Variants in NPAS3 observed in about 807,000 individuals in gnomAD.
NPAS3 encodes neuronal PAS domain-containing protein 3.
Under a neutral mutation model 73.1 loss-of-function variants are expected in NPAS3, and 14 were observed. The ratio of observed to expected loss-of-function variants is 0.19; its 90% confidence interval spans 0.13 to 0.30. NPAS3 has a LOEUF of 0.30. Among genes scored for constraint, NPAS3 ranks in the 10% least tolerant of loss-of-function variants. The pLI, the probability that NPAS3 is intolerant of heterozygous loss-of-function variation, is 1.00. For missense variants in NPAS3, 1,096 were observed against 1,250.0 expected (o/e 0.88, Z 1.86); for synonymous variants, 620 against 541.5 (o/e 1.14, Z -2.01).
intron 2 of NPAS3, among the ~76,000 whole-genome samples, chr14:33,164,213 C>A (rs1197877479): frequency 6.6e-6 from 1 of 152,140 alleles, no homozygotes; most frequent in African/African-American, 2.4e-5. Flanking sequence ...TTCTCTTATA[C>A]AGCAAAGTAT....
At chr14:33,368,626 T>C (rs931577062) in intron 4 of NPAS3, among the ~76,000 whole-genome samples, 2 of 152,232 alleles carry the variant, frequency 1.3e-5, no homozygotes, top group Non-Finnish European at 2.9e-5. Flanking sequence ...TTAATATCTG[T>C]TAATATCTCA....
At chr14:33,756,936 T>C (rs1327686215) in intron 7 of NPAS3, among the ~76,000 whole-genome samples, 1 of 152,126 alleles carries the variant, frequency 6.6e-6, no homozygotes, top group Non-Finnish European at 1.5e-5. Flanking sequence ...GGCTAAAGTA[T>C]CCAAGAAGAG....
intron 3 of NPAS3, among the ~76,000 whole-genome samples, chr14:33,348,757 A>G (rs1342620188): frequency 7.9e-5 from 4 of 50,610 alleles, no homozygotes; most frequent in Non-Finnish European, 1.1e-4. Flanking sequence ...GTGCAGTTAC[A>G]CACAGAGAAG....
intron 4 of NPAS3, among the ~76,000 whole-genome samples, chr14:33,374,868 T>G (rs8012749): frequency 0.19 from 29,536 of 152,048 alleles, 3,215 homozygotes; most frequent in East Asian, 0.36. Flanking sequence ...CAAATTATCA[T>G]TTATTAAGAT....
intron 1 of NPAS3, among the ~76,000 whole-genome samples, chr14:32,976,920 C>T (rs902271284): frequency 2.0e-5 from 3 of 152,034 alleles, no homozygotes; most frequent in African/African-American, 4.8e-5. Context: ...CTCAGTGGCC[C>T]AAAAGTGGAT....
At chr14:33,484,849 G>T (rs370441834) in intron 4 of NPAS3, among the ~76,000 whole-genome samples, 25 of 152,128 alleles carry the variant, frequency 1.6e-4, no homozygotes, top group African/African-American at 6.0e-4. Context: ...ACAAATCAAG[G>T]TGAGGGGAAT....
At chr14:33,134,089 A>G (rs2043743510) in intron 2 of NPAS3, among the ~76,000 whole-genome samples, 1 of 152,126 alleles carries the variant, frequency 6.6e-6, no homozygotes, top group Admixed American at 6.6e-5. Context: ...TTCTTTTTCT[A>G]CCTACAAAAT....
chr14:33,638,834 AAC>A (rs1302601916), intron 5 of NPAS3, among the ~76,000 whole-genome samples: 3 of 152,254 alleles, frequency 2.0e-5, no homozygotes, highest in Non-Finnish European at 4.4e-5. Context: ...GACAGCCATG[AAC>A]ACAGATATAT....
intron 1 of NPAS3, among the ~76,000 whole-genome samples, chr14:32,963,788 T>C (rs1195344736): frequency 4.6e-5 from 7 of 152,182 alleles, no homozygotes. Flanking sequence ...AAATGCTTTA[T>C]AGATTCTAAA....
In NPAS3 at chr14:33,677,803, T is replaced by C. The variant is rs528190349; in HGVS notation, c.733+1418T>C. Among the ~76,000 whole-genome samples, 13 of 152,320 alleles carry C rather than the reference T, an allele frequency of 8.5e-5. No homozygotes were observed. In the East Asian group the frequency reaches 2.5e-3, roughly 29 times the overall value. ...AAGATTATTCTTTACCTTTTAAAAA[T>C]GAAAATACTTTTGTTCAGGTGGGCA... On this transcript the variant is annotated intron_variant, in intron 6 of 11. Coordinates refer to ENST00000356141, the Ensembl canonical transcript of NPAS3.
At chr14:33,316,193 T>C (rs371000657) in intron 3 of NPAS3, among the ~76,000 whole-genome samples, 11 of 152,240 alleles carry the variant, frequency 7.2e-5, no homozygotes, top group African/African-American at 2.6e-4. Flanking sequence ...GTTACCTTAA[T>C]TGCAAAATTG....
chr14:33,137,082 T>C (rs952865148), intron 2 of NPAS3, among the ~76,000 whole-genome samples: 1 of 152,234 alleles, frequency 6.6e-6, no homozygotes, highest in Non-Finnish European at 1.5e-5. Context: ...AAGAATAAAT[T>C]GTTGAATATT....
intron 2 of NPAS3, among the ~76,000 whole-genome samples, chr14:33,159,620 C>A (rs1002333503): frequency 1.4e-5 from 2 of 139,854 alleles, no homozygotes; most frequent in African/African-American, 5.3e-5. Flanking sequence ...GTGGCGCAAT[C>A]TTGGCTCACC....
chr14:33,358,431 GA>G (rs138328661), intron 3 of NPAS3, among the ~76,000 whole-genome samples: 1,544 of 152,184 alleles, frequency 0.01, 29 homozygotes, highest in African/African-American at 0.036. Context: ...GATGCGCCTG[GA>G]ACATGCATCT....
At chr14:32,953,112 C>A (rs1170598572) in intron 1 of NPAS3, among the ~76,000 whole-genome samples, 3 of 149,788 alleles carry the variant, frequency 2.0e-5, no homozygotes, top group Admixed American at 1.3e-4. Context: ...AACAAAAAAC[C>A]CCAAACAACA....
At chr14:33,556,841 G>C (rs1292432124) in intron 4 of NPAS3, among the ~76,000 whole-genome samples, 3 of 152,142 alleles carry the variant, frequency 2.0e-5, no homozygotes, top group Non-Finnish European at 4.4e-5. Flanking sequence ...CACCCAACCA[G>C]GCTTCCAACT....
At chr14:33,684,933 A>ACAAT (rs887883488) in intron 6 of NPAS3, among the ~76,000 whole-genome samples, 167 of 152,346 alleles carry the variant, frequency 1.1e-3, no homozygotes, top group African/African-American at 3.8e-3. Flanking sequence ...CTCATGAAAC[A>ACAAT]CAATCATGGT....
intron 2 of NPAS3, among the ~76,000 whole-genome samples, chr14:33,155,017 A>C (rs1252247523): frequency 6.6e-6 from 1 of 152,302 alleles, no homozygotes; most frequent in Admixed American, 6.5e-5. Context: ...TATTATTATT[A>C]ATTTTTTTTC....
At chr14:33,623,569 G>A (rs565574574) in intron 5 of NPAS3, among the ~76,000 whole-genome samples, 4 of 152,198 alleles carry the variant, frequency 2.6e-5, no homozygotes, top group South Asian at 2.1e-4. Flanking sequence ...CTTGCCTCCC[G>A]ACCCAACAAC....
Sources: gnomAD v4.1 joint callset for allele counts (sites outside exome capture counted in the v4.1 genomes callset) on GRCh38, gnomAD v4.1.1 for gene constraint, MANE v1.5 for transcripts, NCBI Gene and HGNC (gene_info 2026-07-23, HGNC 2026-07-21) for gene names.